PTPRC: variants seen among roughly 807,000 people sequenced by gnomAD.
PTPRC encodes receptor-type tyrosine-protein phosphatase C.
In PTPRC, 44 loss-of-function variants were observed where a neutral mutation model predicts 155.9. The ratio of observed to expected loss-of-function variants is 0.28; its 90% CI spans 0.22 to 0.36. The LOEUF (loss-of-function observed/expected upper bound fraction) is 0.36, where lower values mean the gene tolerates loss of function less well. Among genes scored for constraint, PTPRC ranks in the 10% least tolerant of loss-of-function variants. The pLI is 1.00. For missense variants in PTPRC, 1,401 were observed against 1,564.6 expected, an observed-to-expected ratio of 0.90 and a Z score of 1.76; for synonymous variants, 525 against 533.1, an observed-to-expected ratio of 0.98 and a Z score of 0.21.
At chr1:198,666,076 C>T (rs963422302) in intron 2 of PTPRC, among the ~76,000 whole-genome samples, 8 of 151,682 alleles carry the variant, frequency 5.3e-5, no homozygotes, top group African/African-American at 1.9e-4. Context: ...CCCATCTCTA[C>T]AAAAAATACA....
At chr1:198,645,948 T>C (rs1324588122) in intron 2 of PTPRC, among the ~76,000 whole-genome samples, 1 of 151,784 alleles carries the variant, frequency 6.6e-6, no homozygotes, top group Non-Finnish European at 1.5e-5. Context: ...CAGGATAATC[T>C]TTGTAAAAGG....
At chr1:198,665,172 C>T (rs1442864440) in intron 2 of PTPRC, among the ~76,000 whole-genome samples, 1 of 145,080 alleles carries the variant, frequency 6.9e-6, no homozygotes, top group Non-Finnish European at 1.5e-5. Flanking sequence ...TCACTGCAAG[C>T]TCCGCCTCCC....
At chr1:198,697,791 C>T (rs1261005490) in intron 4 of PTPRC, among the ~76,000 whole-genome samples, 1 of 152,130 alleles carries the variant, frequency 6.6e-6, no homozygotes, top group Non-Finnish European at 1.5e-5. Flanking sequence ...ATATATAATA[C>T]CATCACAGAA....
intron 2 of PTPRC, among the ~76,000 whole-genome samples, chr1:198,665,291 A>T (rs1385984607): frequency 6.6e-6 from 1 of 150,456 alleles, no homozygotes; most frequent in Non-Finnish European, 1.5e-5. Context: ...CTTAGTAGAG[A>T]CGGGGTTTCA....
At chr1:198,724,812 T>C (rs1258636287) in intron 15 of PTPRC, among the ~76,000 whole-genome samples, 2 of 152,064 alleles carry the variant, frequency 1.3e-5, no homozygotes, top group East Asian at 3.8e-4. Flanking sequence ...GTTTTTGTTT[T>C]TGTTTTTAGA....
rs1654014655 is a variant in PTPRC, at chr1:198,724,029, AG to A, written c.1720+1555del. Among the ~76,000 whole-genome samples the A allele has an allele frequency of 2.6e-5, 4 of 152,172 alleles. No homozygotes were observed. In the South Asian group the frequency reaches 8.3e-4, roughly 32 times the overall value. ...AGTTCACATATAGCACTCCCTGTTC[AG>A]GTGTAGTTTAGCAATCAAGGGTCAT... On this transcript the variant is annotated intron_variant, in intron 15 of 32. Coordinates refer to ENST00000442510, the MANE Select transcript of PTPRC (RefSeq NM_002838.5).
chr1:198,641,901 T>C (rs1439834940), intron 2 of PTPRC, among the ~76,000 whole-genome samples: 1 of 152,094 alleles, frequency 6.6e-6, no homozygotes, highest in African/African-American at 2.4e-5. Context: ...GTTATAAACA[T>C]GGACTGTGCC....
chr1:198,714,984 A>AT (rs952418189), intron 12 of PTPRC, among the ~76,000 whole-genome samples: 31 of 152,316 alleles, frequency 2.0e-4, no homozygotes, highest in Non-Finnish European at 4.0e-4. Context: ...TTATTTAAAG[A>AT]TTTTATCAAC....
Position 198,702,539 on chromosome 1 carries a change from A to C in PTPRC, c.583+9A>C. 1 of 1,614,150 alleles carries C rather than the reference A, an allele frequency of 6.2e-7. No homozygotes were observed. The highest frequency in any genetic ancestry group is 2.2e-5 in the East Asian group (1 of 44,878). ...CACAGCGAACACCTCAGGTCTGACT[A>C]TGCTGCTCTAGTAGTGTCTTCAGTT... On this transcript the variant is annotated intron_variant, in intron 6 of 32. Transcript: ENST00000442510.
rs1183031338 is a variant in PTPRC at position 198,751,422 on chromosome 1, T to C, written c.3207+796T>C. 2.0e-5 allele frequency among the ~76,000 whole-genome samples: 3 copies of C among 152,040 alleles called. No homozygotes were observed. In the South Asian group the frequency reaches 6.2e-4, roughly 31 times the overall value. On this transcript the variant is annotated intron_variant, in intron 29 of 32. Coordinates refer to ENST00000442510, the MANE Select transcript of PTPRC (RefSeq NM_002838.5). ...CAAGCCTATTCAGTGAATAACCTTA[T>C]AAGTATGCAAAAGATTTATGCTTTT...
intron 2 of PTPRC, among the ~76,000 whole-genome samples, chr1:198,663,768 T>C (rs1421671111): frequency 6.6e-6 from 1 of 152,168 alleles, no homozygotes; most frequent in African/African-American, 2.4e-5. Context: ...TAAATGAAAA[T>C]AATTTGAGTG....
chr1:198,692,428 T>A, intron 3 of PTPRC, 55 bp downstream of exon 3: 1 of 1,241,730 alleles, frequency 8.1e-7, no homozygotes, highest in East Asian at 2.9e-5. Flanking sequence ...GCAAAGTTTA[T>A]ATATTTAACT....
chr1:198,658,169 T>A (rs1235466682), intron 2 of PTPRC, among the ~76,000 whole-genome samples: 1 of 152,214 alleles, frequency 6.6e-6, no homozygotes, highest in Non-Finnish European at 1.5e-5. Context: ...TTTTCCTTTG[T>A]CTTTGTATAG....
intron 15 of PTPRC, among the ~76,000 whole-genome samples, chr1:198,723,289 A>G (rs1653982041): frequency 6.6e-6 from 1 of 152,110 alleles, no homozygotes; most frequent in African/African-American, 2.4e-5. Context: ...GTTGTCAGCA[A>G]CTTCTAGGTC....
chr1:198,716,563 C>T, intron 12 of PTPRC, 119 bp from the exon 13 acceptor site: 1 of 838,806 alleles, frequency 1.2e-6, no homozygotes, highest in Non-Finnish European at 1.9e-6. Flanking sequence ...ACTTATTTTT[C>T]AATCACTCAA....
chr1:198,751,678 T>A (rs1028846921), intron 29 of PTPRC, among the ~76,000 whole-genome samples: 4 of 152,036 alleles, frequency 2.6e-5, no homozygotes, highest in Non-Finnish European at 5.9e-5. Context: ...GGGGTTGTAG[T>A]TGGTAGACAA....
chr1:198,727,381 AG>A (rs1426989046), intron 15 of PTPRC, among the ~76,000 whole-genome samples: 1 of 152,150 alleles, frequency 6.6e-6, no homozygotes, highest in Non-Finnish European at 1.5e-5. Flanking sequence ...CCATGAGGAC[AG>A]GACCCTTGTT....
intron 2 of PTPRC, among the ~76,000 whole-genome samples, chr1:198,643,365 G>A (rs981194731): frequency 2.6e-5 from 4 of 151,820 alleles, no homozygotes; most frequent in African/African-American, 7.3e-5. Context: ...ACTGCATATT[G>A]TAGTGACAAA....
Position 198,741,893 on chromosome 1 carries a change from G to A in PTPRC, c.2428G>A (p.Glu810Lys). ...VNKKEKATGR[E>K]VTHIQFTSWP... ...GAAAAAAGAAAAAGCAACTGGAAGA[G>A]AGGTGACTCACATTCAGTTCACCAG... Residue 810 changes from glutamate to lysine, a missense_variant, in exon 24 of 33, where the codon GAG (glutamate) becomes AAG (lysine). Physicochemically the swap from Glu to Lys is moderately conservative, Grantham distance 56. Around this residue, in one of 3 missense-constraint regions of PTPRC, gnomAD observed 134 missense variants for 204.7 expected, o/e 0.65. Coordinates refer to ENST00000442510, the MANE Select transcript of PTPRC (RefSeq NM_002838.5). The A allele has an allele frequency of 6.2e-7, 1 of 1,611,940 alleles. No homozygotes were observed. The highest frequency in any genetic ancestry group is 1.7e-4 in the Middle Eastern group (1 of 6,050).
Sources: allele counts gnomAD v4.1 joint callset (sites outside exome capture counted in the v4.1 genomes callset), GRCh38; gene constraint gnomAD v4.1.1; regional missense constraint gnomAD v4.1.1; transcripts MANE v1.5; gene names NCBI Gene and HGNC (gene_info 2026-07-23, HGNC 2026-07-21).